Variants in PCDH7 observed in about 807,000 individuals in gnomAD.
PCDH7 encodes the protein protocadherin-7.
A neutral mutation model predicts 58.9 loss-of-function variants in PCDH7; 17 were observed. The ratio of observed to expected loss-of-function variants is 0.29; its 90% confidence interval spans 0.20 to 0.43. The LOEUF (loss-of-function observed/expected upper bound fraction) is 0.43. Among genes scored for constraint, PCDH7 ranks in the 20% least tolerant of loss-of-function variants. The pLI, the probability that PCDH7 is intolerant of heterozygous loss-of-function variation, is 1.00. For synonymous variants in PCDH7, 664 were observed against 616.4 expected (o/e 1.08, Z -1.14); for missense variants, 1,274 against 1,441.0 (o/e 0.88, Z 1.88).
chr4:30,811,231 A>C (rs1726953012), intron 1 of PCDH7, among the ~76,000 whole-genome samples: 1 of 152,198 alleles, frequency 6.6e-6, no homozygotes, highest in Admixed American at 6.5e-5. Context: ...ACTTGATAGG[A>C]GTTGGCAAAG....
intron 3 of PCDH7, among the ~76,000 whole-genome samples, chr4:31,099,828 G>T (rs553099213): frequency 6.6e-6 from 1 of 151,994 alleles, no homozygotes; most frequent in Admixed American, 6.6e-5. Flanking sequence ...AAGATTTGAC[G>T]CGTGTCTTCA....
chr4:30,961,403 T>C (rs1226269211), intron 3 of PCDH7, among the ~76,000 whole-genome samples: 1 of 146,074 alleles, frequency 6.8e-6, no homozygotes, highest in Non-Finnish European at 1.5e-5. Flanking sequence ...AAAAAAAAAA[T>C]TTGCCAGGTG....
At chr4:30,806,306 A>C (rs757447449) in intron 1 of PCDH7, among the ~76,000 whole-genome samples, 2 of 151,914 alleles carry the variant, frequency 1.3e-5, no homozygotes, top group Non-Finnish European at 2.9e-5. Context: ...AACATGCCTA[A>C]AGATTTCCTT....
At chr4:30,954,579 C>T (rs1472751228) in intron 3 of PCDH7, among the ~76,000 whole-genome samples, 1 of 152,092 alleles carries the variant, frequency 6.6e-6, no homozygotes, top group Non-Finnish European at 1.5e-5. Context: ...ATCTGCTTTG[C>T]TATCACTGCT....
intron 3 of PCDH7, among the ~76,000 whole-genome samples, chr4:31,108,295 A>G (rs566679043): frequency 6.7e-6 from 1 of 148,182 alleles, no homozygotes; most frequent in African/African-American, 2.5e-5. Context: ...AAAATGTGGA[A>G]TTCAGCCAGT....
chr4:30,793,911 G>A (rs1355710055), intron 1 of PCDH7: 2 of 152,166 alleles, frequency 1.3e-5, no homozygotes, highest in African/African-American at 2.4e-5. Flanking sequence ...TAAGGCCATT[G>A]AAATTACTTA....
intron 3 of PCDH7, among the ~76,000 whole-genome samples, chr4:30,984,385 A>T (rs529701827): frequency 6.6e-6 from 1 of 152,186 alleles, no homozygotes; most frequent in Admixed American, 6.5e-5. Flanking sequence ...GGAAAGAGCA[A>T]TGGATTAGGA....
intron 1 of PCDH7, among the ~76,000 whole-genome samples, chr4:30,821,351 A>T (rs1479759435): frequency 6.6e-6 from 1 of 152,238 alleles, no homozygotes; most frequent in East Asian, 1.9e-4. Flanking sequence ...AGACTTCCAG[A>T]AGAACCAACA....
chr4:30,919,601 T>C (rs1011441088), intron 1 of PCDH7, among the ~76,000 whole-genome samples: 2 of 152,214 alleles, frequency 1.3e-5, no homozygotes, highest in Non-Finnish European at 2.9e-5. Flanking sequence ...AATATTTTTA[T>C]AGGAATGATG....
chr4:30,746,373 G>A (rs1360790152), intron 1 of PCDH7, among the ~76,000 whole-genome samples: 11 of 152,242 alleles, frequency 7.2e-5, no homozygotes, highest in Admixed American at 2.6e-4. Flanking sequence ...TTGATTTTCT[G>A]GGAATTAGCT....
chr4:30,785,175 T>C (rs1723240380), intron 1 of PCDH7, among the ~76,000 whole-genome samples: 1 of 152,032 alleles, frequency 6.6e-6, no homozygotes, highest in Admixed American at 6.6e-5. Context: ...TCATACCATA[T>C]ATAAGAAAAG....
intron 3 of PCDH7, among the ~76,000 whole-genome samples, chr4:30,996,260 T>A (rs1405929097): frequency 6.6e-6 from 1 of 152,188 alleles, no homozygotes; most frequent in Non-Finnish European, 1.5e-5. Flanking sequence ...ACATGCTGAA[T>A]GAACAAATGA....
chr4:30,747,468 G>A (rs771953730), intron 1 of PCDH7, among the ~76,000 whole-genome samples: 38 of 152,136 alleles, frequency 2.5e-4, no homozygotes, highest in Non-Finnish European at 5.1e-4. Flanking sequence ...GTTTCTTTCT[G>A]TAGTGTCAAG....
At chr4:30,947,955 G>A (rs879933752) in intron 2 of PCDH7, among the ~76,000 whole-genome samples, 10 of 151,874 alleles carry the variant, frequency 6.6e-5, no homozygotes, top group African/African-American at 1.2e-4. Flanking sequence ...GAGAACATGC[G>A]GTGTTTAACT....
intron 1 of PCDH7, among the ~76,000 whole-genome samples, chr4:30,797,232 G>C (rs755565038): frequency 2.7e-5 from 4 of 149,376 alleles, no homozygotes. Context: ...CACCAGGCCC[G>C]ACCACTTCCT....
chr4:31,121,442 A>G (rs2109324116), intron 3 of PCDH7, among the ~76,000 whole-genome samples: 1 of 152,336 alleles, frequency 6.6e-6, no homozygotes, highest in African/African-American at 2.4e-5. Flanking sequence ...AGAATAATTA[A>G]TTTAAGAATA....
intron 1 of PCDH7, among the ~76,000 whole-genome samples, chr4:30,758,902 C>T (rs1719658982): frequency 6.9e-6 from 1 of 144,996 alleles, no homozygotes; most frequent in African/African-American, 2.6e-5. Context: ...TGATATGTGG[C>T]TTACCTGTTT....
rs1053279746 is a variant in PCDH7, at chr4:30,720,664, A to C, written c.-759A>C. The C allele has an allele frequency of 1.3e-5, 2 of 151,916 alleles. No individual in the cohort carries two copies. Among genetic ancestry groups the C allele is most frequent in the African/African-American group, 4.9e-5 (2 of 41,200 alleles). 9.4% of individuals were successfully genotyped at this position (151,916 alleles called of 1,614,324 possible). On this transcript the variant is annotated 5_prime_UTR_variant, in exon 1 of 2. Transcript: ENST00000361762. The surrounding 1 kb of genome is among the most constrained non-coding windows in gnomAD (Gnocchi z 4.7). ...GGCTTCTCTTTGGCGCGCCGGGGGG[A>C]CCCTGACACTGACCGCTCTGTGACG...
In PCDH7 at chr4:30,723,528, G is replaced by A. The variant is rs1714093011; in HGVS notation, c.2106G>A (p.Arg702=). 1.9e-6 allele frequency: 3 copies of A among 1,614,086 alleles called. No individual in the cohort carries two copies. The South Asian group carries it at 3.3e-5, about 18-fold the overall frequency. The change falls in exon 1 of 2, where the codon CGG becomes CGA. Residue 702 remains arginine (R), a synonymous_variant. Transcript: ENST00000361762. This position sits in a 1 kb window ranked among gnomAD's most constrained non-coding sequence, Gnocchi z 4.6. The stretch of plus-strand genomic sequence containing the variant: ...TTTACTCCACAATGTCTTTTGACCG[G>A]GAACATCAGACCACATACACTTTCA...
Sources: gnomAD v4.1 joint callset for allele counts (sites outside exome capture counted in the v4.1 genomes callset) on GRCh38, gnomAD v4.1.1 for gene constraint, Gnocchi (gnomAD v3.1) non-coding constraint, MANE v1.5 for transcripts, NCBI Gene and HGNC (gene_info 2026-07-23, HGNC 2026-07-21) for gene names.